TSPO: variants seen among roughly 807,000 people sequenced by gnomAD.
TSPO encodes benzodiazepine peripheral binding site.
A neutral mutation model predicts 13.9 loss-of-function variants in TSPO; 14 were observed. That is an observed-to-expected ratio of 1.01 (90% CI 0.67 to 1.58). The LOEUF (loss-of-function observed/expected upper bound fraction) is 1.58. Among genes scored for constraint, TSPO ranks in the 40% most tolerant of loss-of-function variants. The pLI is 0.00. For missense variants in TSPO, 232 were observed against 229.6 expected (o/e 1.01, Z -0.07); for synonymous variants, 114 against 105.9 (o/e 1.08, Z -0.47).
intron 1 of TSPO, among the ~76,000 whole-genome samples, chr22:43,154,758 A>G (rs1601754135): frequency 6.6e-6 from 1 of 152,110 alleles, no homozygotes; most frequent in South Asian, 2.1e-4. Context: ...GGCTCAGGAG[A>G]TGAGATACCT....
At chr22:43,157,212 T>A (rs962831931) in intron 1 of TSPO, among the ~76,000 whole-genome samples, 19 of 145,198 alleles carry the variant, frequency 1.3e-4, no homozygotes, top group African/African-American at 5.2e-4. Flanking sequence ...GCCTTTCATA[T>A]GTGTAGTGAC....
rs779089811 is a variant in TSPO, at chr22:43,157,327, G to A, written c.-29-1883G>A. On this transcript the variant is annotated intron_variant, in intron 1 of 3. Coordinates refer to ENST00000337554, the MANE Select transcript of TSPO (RefSeq NM_000714.6). ...AGGGAGGGGCGGGGCAGGAGGGAGC[G>A]GGAGGGAGAACACAGGAACGTTTCT... Among the ~76,000 whole-genome samples, 8 of 151,654 alleles carry A rather than the reference G, an allele frequency of 5.3e-5. No individual in the cohort carries two copies. The East Asian group carries it at 1.2e-3, about 22-fold the overall frequency.
At chr22:43,158,586 A>G (rs1931329234) in intron 1 of TSPO, among the ~76,000 whole-genome samples, 1 of 152,072 alleles carries the variant, frequency 6.6e-6, no homozygotes. Context: ...TGCATGGGGA[A>G]GGGGCGGTGG....
Position 43,159,369 on chromosome 22 carries a change from C to A in TSPO, c.131C>A (p.Pro44Gln). ...GGCCTGCAGAAGCCCTCGTGGCACC[C>A]GCCCCACTGGGTGCTGGGCCCTGTC... ...YAGLQKPSWHPPHWVLGPVWG... is the reference protein window; with the variant it reads ...YAGLQKPSWHQPHWVLGPVWG... Residue 44 changes from proline (P) to glutamine (Q), a missense_variant, in exon 2 of 4, where the codon CCG becomes CAG. Transcript: ENST00000337554. 6.5e-7 allele frequency: 1 copy of A among 1,544,348 alleles called. No homozygotes were observed.
chr22:43,163,221 A>T lies in TSPO; in HGVS notation c.*230A>T, dbSNP rs554144519. 6.7e-6 allele frequency: 9 copies of T among 1,352,818 alleles called. No homozygotes were observed. Among genetic ancestry groups the T allele is most frequent in the Non-Finnish European group, 7.8e-6 (8 of 1,029,984 alleles). 83.8% of individuals were successfully genotyped at this position (1,352,818 alleles called of 1,614,324 possible). On this transcript the variant is annotated 3_prime_UTR_variant, in exon 4 of 4. Transcript: ENST00000337554. ...TGGAACATGGAATTTTATAAGCTGA[A>T]TAAAGTTTTTGACTTCCTTTACCAT...
chr22:43,160,925 C>A, intron 2 of TSPO, 127 bp from the exon 3 acceptor site: 1 of 1,243,120 alleles, frequency 8.0e-7, no homozygotes, highest in Non-Finnish European at 1.1e-6. Flanking sequence ...ACAGGTCAAG[C>A]AACTTCCCTG....
chr22:43,153,239 C>T (rs1361046274), intron 1 of TSPO, among the ~76,000 whole-genome samples: 1 of 151,698 alleles, frequency 6.6e-6, no homozygotes, highest in African/African-American at 2.4e-5. Context: ...CTGCAGTCTC[C>T]TGCAGAACTC....
At chr22:43,156,787 G>A (rs1271519851) in intron 1 of TSPO, among the ~76,000 whole-genome samples, 3 of 152,186 alleles carry the variant, frequency 2.0e-5, no homozygotes, top group Non-Finnish European at 2.9e-5. Context: ...CAAGGGGTTC[G>A]GGATGTCCAC....
intron 3 of TSPO, 129 bp from the exon 4 acceptor site, chr22:43,162,674 C>T (rs1931480553): frequency 1.0e-6 from 1 of 955,944 alleles, no homozygotes; most frequent in African/African-American, 1.7e-5. Flanking sequence ...GGCCAGGTCA[C>T]TCAAGGGTGG....
Position 43,162,975 on chromosome 22 carries a change from G to A in TSPO, c.494G>A (p.Arg165Gln), listed in dbSNP as rs761740678. ...GACAACCATGGCTGGCGTGGGGGAC[G>A]GCGGCTGCCAGAGTGAGTGCCCGGC... Reference protein sequence around the residue: ...WRDNHGWRGGRRLPE With the variant: ...WRDNHGWRGGQRLPE The change falls in exon 4 of 4, where the codon CGG becomes CAG. Residue 165 changes from arginine to glutamine, a missense_variant. Physicochemically the swap from Arg to Gln is conservative, Grantham distance 43. Transcript: ENST00000337554. The A allele has an allele frequency of 6.9e-6, 11 of 1,583,332 alleles. No homozygotes were observed. Among genetic ancestry groups the A allele is most frequent in the South Asian group, 1.1e-5 (1 of 87,232 alleles).
In TSPO at chr22:43,159,351, A is replaced by G; in HGVS notation, c.113A>G (p.Gln38Arg). 1 of 1,547,110 alleles carries G rather than the reference A, an allele frequency of 6.5e-7. No individual in the cohort carries two copies. Among genetic ancestry groups the G allele is most frequent in the South Asian group, 1.2e-5 (1 of 83,828 alleles). ...GEGLRWYAGL[Q>R]KPSWHPPHWV... ...GGTCTCCGCTGGTACGCCGGCCTGC[A>G]GAAGCCCTCGTGGCACCCGCCCCAC... is the stretch of plus-strand genomic sequence containing the variant. The change falls in exon 2 of 4, where the codon CAG becomes CGG. Residue 38 changes from glutamine to arginine, a missense_variant. Physicochemically the swap from Gln to Arg is conservative, Grantham distance 43. Transcript: ENST00000337554.
chr22:43,158,519 G>A (rs1362279725), intron 1 of TSPO, among the ~76,000 whole-genome samples: 1 of 152,114 alleles, frequency 6.6e-6, no homozygotes, highest in Non-Finnish European at 1.5e-5. Flanking sequence ...TTGCCACCAG[G>A]GCAGAGCCTG....
At chr22:43,161,239 G>A in intron 3 of TSPO, 49 bp downstream of exon 3, 1 of 1,577,382 alleles carries the variant, frequency 6.3e-7, no homozygotes, top group Non-Finnish European at 8.6e-7. Context: ...CCGACCCTTG[G>A]AGGACGTGGG....
chr22:43,159,319 C>G lies in TSPO; in HGVS notation c.81C>G (p.His27Gln), dbSNP rs1023579746. 1.3e-6 allele frequency: 2 copies of G among 1,549,522 alleles called. No homozygotes were observed. The highest frequency in any genetic ancestry group is 2.7e-5 in the African/African-American group (2 of 73,066). The change falls in exon 2 of 4, where the codon CAC becomes CAG. Residue 27 changes from histidine to glutamine, a missense_variant. Transcript: ENST00000337554. ...GCTTCGTGGGCTCCCGCTTTGTCCA[C>G]GGCGAGGGTCTCCGCTGGTACGCCG... ...LGCFVGSRFV[H>Q]GEGLRWYAGL...
At chr22:43,160,716 C>T (rs180825176) in intron 2 of TSPO, among the ~76,000 whole-genome samples, 1 of 152,328 alleles carries the variant, frequency 6.6e-6, no homozygotes, top group African/African-American at 2.4e-5. Flanking sequence ...GCCAAATGTC[C>T]CATCCTCTAT....
At position 43,159,193 on chromosome 22, in the gene TSPO, C is replaced by T; in HGVS notation, c.-29-17C>T. On this transcript the variant is annotated splice_polypyrimidine_tract_variant and intron_variant, in intron 1 of 3. Coordinates refer to ENST00000337554, the MANE Select transcript of TSPO (RefSeq NM_000714.6). ...GGCCTCAGGAATGCCCTCACCCAGC[C>T]CTGTCTTCTCTTTCAGAGCTCCCCT... 6.8e-7 allele frequency: 1 copy of T among 1,479,540 alleles called. No individual in the cohort carries two copies. Among genetic ancestry groups the T allele is most frequent in the Non-Finnish European group, 9.0e-7 (1 of 1,109,958 alleles). 91.7% of individuals were successfully genotyped at this position (1,479,540 alleles called of 1,614,324 possible). A position where few individuals can be genotyped will look rare whatever the true frequency, so the allele number is the denominator to read the frequency against.
At chr22:43,153,991 C>T (rs1368928925) in intron 1 of TSPO, among the ~76,000 whole-genome samples, 1 of 152,036 alleles carries the variant, frequency 6.6e-6, no homozygotes, top group Non-Finnish European at 1.5e-5. Context: ...AAAGTTTAAC[C>T]CCCGAACCTC....
intron 1 of TSPO, among the ~76,000 whole-genome samples, chr22:43,153,005 T>TC: frequency 1.2e-5 from 1 of 82,366 alleles, no homozygotes; most frequent in African/African-American, 7.7e-5. Context: ...TTTCTTCCTT[T>TC]CTTCCGTCCT....
At chr22:43,159,514 AC>A in intron 2 of TSPO, 94 bp downstream of exon 2, 1 of 1,260,164 alleles carries the variant, frequency 7.9e-7, no homozygotes, top group Non-Finnish European at 1.0e-6. Context: ...CGGGCCATGG[AC>A]CATGGCATGG....
Sources: allele counts gnomAD v4.1 joint callset (sites outside exome capture counted in the v4.1 genomes callset), GRCh38; gene constraint gnomAD v4.1.1; transcripts MANE v1.5; gene names NCBI Gene and HGNC (gene_info 2026-07-23, HGNC 2026-07-21).